FRAS1: variants seen among roughly 807,000 people sequenced by gnomAD.
FRAS1 encodes the protein Fraser extracellular matrix complex subunit 1.
Under a neutral mutation model 435.2 loss-of-function variants are expected in FRAS1, and 290 were observed. That is an observed-to-expected ratio of 0.67 (90% CI 0.61 to 0.73). The LOEUF is 0.73. Among genes scored for constraint, FRAS1 ranks in the 30% least tolerant of loss-of-function variants. The probability of loss-of-function intolerance (pLI) is 0.00; values close to 1 mark genes in which losing one functional copy is unlikely to be tolerated. For missense variants in FRAS1, 4,860 were observed against 5,001.5 expected (o/e 0.97, Z 0.85); for synonymous variants, 1,800 against 1,851.0 (o/e 0.97, Z 0.71).
At chr4:78,455,219 C>CCCTA (rs1342934236) in intron 47 of FRAS1, among the ~76,000 whole-genome samples, 4 of 152,192 alleles carry the variant, frequency 2.6e-5, no homozygotes, top group Admixed American at 1.3e-4. Flanking sequence ...CTGTCTCCTT[C>CCCTA]CCTACCTCCC....
chr4:78,517,158 AT>A (rs1333115056), intron 66 of FRAS1, among the ~76,000 whole-genome samples: 1 of 152,210 alleles, frequency 6.6e-6, no homozygotes, highest in Non-Finnish European at 1.5e-5. Context: ...ATTTACAGTA[AT>A]TATTTAGAGA....
At chr4:78,424,125 A>C (rs895375179) in intron 34 of FRAS1, among the ~76,000 whole-genome samples, 1 of 152,218 alleles carries the variant, frequency 6.6e-6, no homozygotes, top group African/African-American at 2.4e-5. Flanking sequence ...ATGGGTTCTG[A>C]ATGAATGTAT....
intron 2 of FRAS1, among the ~76,000 whole-genome samples, chr4:78,151,555 G>A (rs554246115): frequency 6.6e-6 from 1 of 152,168 alleles, no homozygotes; most frequent in African/African-American, 2.4e-5. Flanking sequence ...ATTTTGGTAG[G>A]GAATTTCATT....
intron 2 of FRAS1, among the ~76,000 whole-genome samples, chr4:78,198,380 T>C (rs1418056776): frequency 1.4e-5 from 2 of 140,360 alleles, no homozygotes; most frequent in African/African-American, 5.3e-5. Flanking sequence ...TAGCATTTCC[T>C]CTGTCTTGAT....
rs114392275 is a variant in FRAS1 at position 78,439,880 on chromosome 4, G to A, written c.5529+816G>A. On this transcript the variant is annotated intron_variant, in intron 40 of 73. Coordinates refer to ENST00000512123, the MANE Select transcript of FRAS1 (RefSeq NM_025074.7). ...AATAGTATGGAAACCCCCTAGTGCA[G>A]TACCCAGTTCATGGTAGGGATTCCA... Among the ~76,000 whole-genome samples, 539 of 152,156 alleles carry A rather than the reference G, an allele frequency of 3.5e-3. 4 individuals are homozygous for A. Among genetic ancestry groups the A allele is most frequent in the African/African-American group, 0.012 (507 of 41,514 alleles).
intron 22 of FRAS1, among the ~76,000 whole-genome samples, chr4:78,369,087 C>T (rs1477870881): frequency 6.6e-6 from 1 of 152,096 alleles, no homozygotes; most frequent in Non-Finnish European, 1.5e-5. Flanking sequence ...ATGATGATGG[C>T]TTAGAAATAT....
At chr4:78,112,292 T>C (rs146373796) in intron 2 of FRAS1, among the ~76,000 whole-genome samples, 8 of 152,300 alleles carry the variant, frequency 5.3e-5, no homozygotes, top group Non-Finnish European at 8.8e-5. Flanking sequence ...CAAATACATA[T>C]TGGGAACCTG....
rs913568285 is a variant in FRAS1 at position 78,451,735 on chromosome 4, A to G, written c.6464-37A>G. 6 of 1,536,506 alleles carry G rather than the reference A, an allele frequency of 3.9e-6. No homozygotes were observed. In the African/African-American group the frequency reaches 8.3e-5, roughly 21 times the overall value. On this transcript the variant is annotated intron_variant, in intron 45 of 73. Coordinates refer to ENST00000512123, the MANE Select transcript of FRAS1 (RefSeq NM_025074.7). ...TGCTTCAGAAATAAGGGCAGAAAGC[A>G]CTAATAGCAAATCTTGATTTTTTTT...
chr4:78,112,442 T>G (rs866940721), intron 2 of FRAS1, among the ~76,000 whole-genome samples: 1 of 152,282 alleles, frequency 6.6e-6, no homozygotes, highest in East Asian at 1.9e-4. Flanking sequence ...TGAGCTTTTC[T>G]GTTAGGTGAC....
chr4:78,194,660 G>C (rs549525290), intron 2 of FRAS1, among the ~76,000 whole-genome samples: 1 of 152,140 alleles, frequency 6.6e-6, no homozygotes, highest in South Asian at 2.1e-4. Context: ...GGTTATTCTG[G>C]TTAGCCATTC....
chr4:78,118,717 C>T (rs1339741871), intron 2 of FRAS1, among the ~76,000 whole-genome samples: 3 of 152,178 alleles, frequency 2.0e-5, no homozygotes, highest in Non-Finnish European at 4.4e-5. Context: ...TGCTGTCTGT[C>T]AACCCTTTCT....
chr4:78,363,370 A>G (rs1456442218), intron 20 of FRAS1, 143 bp from the exon 21 acceptor site: 1 of 734,108 alleles, frequency 1.4e-6, no homozygotes, highest in Non-Finnish European at 2.1e-6. Flanking sequence ...CTTCTACTTT[A>G]CTGATATACA....
chr4:78,086,888 A>G (rs1741209920), intron 2 of FRAS1, among the ~76,000 whole-genome samples: 1 of 152,154 alleles, frequency 6.6e-6, no homozygotes, highest in African/African-American at 2.4e-5. Flanking sequence ...ATTCCAATCA[A>G]TAGAAAAAGA....
At chr4:78,172,769 C>T (rs765067048) in intron 2 of FRAS1, among the ~76,000 whole-genome samples, 3 of 150,658 alleles carry the variant, frequency 2.0e-5, no homozygotes, top group Admixed American at 1.3e-4. Flanking sequence ...TTTTTTACAT[C>T]ACCTCTTTCC....
intron 31 of FRAS1, among the ~76,000 whole-genome samples, chr4:78,411,348 G>T (rs1416215180): frequency 6.6e-6 from 1 of 152,100 alleles, no homozygotes; most frequent in Non-Finnish European, 1.5e-5. Flanking sequence ...CTGACATCAA[G>T]TGATCCGCCC....
intron 2 of FRAS1, among the ~76,000 whole-genome samples, chr4:78,127,922 G>A (rs1444941039): frequency 9.8e-6 from 1 of 102,454 alleles, no homozygotes; most frequent in East Asian, 2.7e-4. Context: ...CCCACAACAG[G>A]CCCTGGTGTG....
intron 23 of FRAS1, among the ~76,000 whole-genome samples, chr4:78,371,083 G>GGTTTTTTTTTTTTTTTTTT (rs1456015210): frequency 7.8e-6 from 1 of 127,400 alleles, no homozygotes; most frequent in African/African-American, 3.2e-5. Context: ...TTTTTTTTCT[G>GGTTTTTTTTTTTTTTTTTT]TTTTTTTGTT....
chr4:78,328,091 T>C (rs1729789479), intron 18 of FRAS1, among the ~76,000 whole-genome samples: 1 of 152,226 alleles, frequency 6.6e-6, no homozygotes, highest in Non-Finnish European at 1.5e-5. Flanking sequence ...TAAAATCTAG[T>C]GGATGCAAAG....
intron 44 of FRAS1, among the ~76,000 whole-genome samples, chr4:78,449,484 A>G (rs1354516147): frequency 6.6e-6 from 1 of 152,222 alleles, no homozygotes; most frequent in Non-Finnish European, 1.5e-5. Flanking sequence ...TGTATTATGC[A>G]TGAATAACTA....
Sources: allele counts gnomAD v4.1 joint callset (sites outside exome capture counted in the v4.1 genomes callset), GRCh38; gene constraint gnomAD v4.1.1; transcripts MANE v1.5; gene names NCBI Gene and HGNC (gene_info 2026-07-23, HGNC 2026-07-21).